IL6R: variants seen among roughly 807,000 people sequenced by gnomAD.
The protein encoded by IL6R is interleukin 6 receptor, also known as interleukin-6 receptor subunit alpha.
IL6R carries 38 observed loss-of-function variants against 48.3 expected under a neutral mutation model. The observed-to-expected ratio is 0.79, with a 90% CI of 0.61 to 1.03. The LOEUF (loss-of-function observed/expected upper bound fraction) is 1.03, where lower values mean the gene tolerates loss of function less well. Ranked by LOEUF, IL6R falls within the 50% of genes least tolerant of loss-of-function variation. The pLI is 0.00. For missense variants in IL6R, 534 were observed against 618.3 expected (o/e 0.86, Z 1.45); for synonymous variants, 264 against 256.2 (o/e 1.03, Z -0.29).
chr1:154,437,243 C>A (rs149274188), intron 6 of IL6R, among the ~76,000 whole-genome samples: 2,963 of 152,204 alleles, frequency 0.019, 94 homozygotes, highest in African/African-American at 0.066. Flanking sequence ...ACTACAGGCA[C>A]CTGCCACCAC....
chr1:154,424,148 T>C (rs1271611884), intron 1 of IL6R, among the ~76,000 whole-genome samples: 1 of 152,200 alleles, frequency 6.6e-6, no homozygotes, highest in Non-Finnish European at 1.5e-5. Context: ...GGGCACCACT[T>C]AGACCCCTTC....
At position 154,465,324 on chromosome 1, in the gene IL6R, A is replaced by T. The variant is rs749430277; in HGVS notation, c.1351A>T (p.Arg451Trp). 1 of 1,614,196 alleles carries T rather than the reference A, an allele frequency of 6.2e-7. No individual in the cohort carries two copies. Among genetic ancestry groups the T allele is most frequent in the Non-Finnish European group, 8.5e-7 (1 of 1,180,016 alleles). Residue 451 changes from arginine (R) to tryptophan (W), a missense_variant, in exon 10 of 10, where the codon AGG becomes TGG. Physicochemically the swap from Arg to Trp is moderately radical, Grantham distance 101. Transcript: ENST00000368485. ...CTCGAGCCACAACCGACCAGATGCC[A>T]GGGACCCACGGAGCCCTTATGACAT... ...NTSSHNRPDA[R>W]DPRSPYDISN...
At chr1:154,440,301 A>C (rs1431329343) in intron 6 of IL6R, among the ~76,000 whole-genome samples, 1 of 152,152 alleles carries the variant, frequency 6.6e-6, no homozygotes, top group Non-Finnish European at 1.5e-5. Flanking sequence ...TGATTCATTC[A>C]TTTGTCAGGG....
chr1:154,417,743 T>C (rs1688435025), intron 1 of IL6R, among the ~76,000 whole-genome samples: 1 of 149,496 alleles, frequency 6.7e-6, no homozygotes, highest in Admixed American at 6.6e-5. Flanking sequence ...CTAATTTTTT[T>C]TTTTTTTTTT....
chr1:154,469,007 C>A lies in IL6R; in HGVS notation c.*3627C>A, dbSNP rs1401158126. 6.6e-6 allele frequency: 1 copy of A among 152,198 alleles called. No individual in the cohort carries two copies. The highest frequency in any genetic ancestry group is 1.5e-5 in the Non-Finnish European group (1 of 68,046). 9.4% of individuals were successfully genotyped at this position (152,198 alleles called of 1,614,324 possible). A position where few individuals can be genotyped will look rare whatever the true frequency, so the allele number is the denominator to read the frequency against. On this transcript the variant is annotated 3_prime_UTR_variant, in exon 10 of 10. Coordinates refer to ENST00000368485, the MANE Select transcript of IL6R (RefSeq NM_000565.4). ...GGGGCAGGCGGGCCAGTTCAGGGTC[C>A]GTGCCAGGCCCTCCTCAGTGCCCTG... is the stretch of plus-strand genomic sequence containing the variant.
At chr1:154,414,645 G>T (rs995381148) in intron 1 of IL6R, 3 of 830,690 alleles carry the variant, frequency 3.6e-6, no homozygotes, top group East Asian at 5.5e-5. Flanking sequence ...CGATGAAGAC[G>T]GTGTAGCTCT....
chr1:154,454,485 T>C lies in IL6R; in HGVS notation c.1067-3T>C, dbSNP rs1329063257. The C allele has an allele frequency of 6.3e-7, 1 of 1,599,516 alleles. No individual in the cohort carries two copies. Among genetic ancestry groups the C allele is most frequent in the Non-Finnish European group, 8.6e-7 (1 of 1,167,160 alleles). Reference sequence around the variant, plus strand: ...TCTATCTTCAATTTTTTTTTTAACCTAGTGCAAGATTCTTCTTCAGTACCA... The same window carrying C: ...TCTATCTTCAATTTTTTTTTTAACCCAGTGCAAGATTCTTCTTCAGTACCA... On this transcript the variant is annotated splice_region_variant and splice_polypyrimidine_tract_variant and intron_variant, in intron 8 of 9. Coordinates refer to ENST00000368485, the MANE Select transcript of IL6R (RefSeq NM_000565.4).
At chr1:154,434,389 ACTTAGAGG>A in intron 3 of IL6R, 122 bp from the exon 4 acceptor site, 2 of 693,564 alleles carry the variant, frequency 2.9e-6, no homozygotes, top group Non-Finnish European at 4.9e-6. Context: ...AGAAAAGGAG[ACTTAGAGG>A]CACAGGGCTT....
intron 3 of IL6R, among the ~76,000 whole-genome samples, chr1:154,432,750 T>C (rs1689372410): frequency 6.6e-6 from 1 of 152,184 alleles, no homozygotes; most frequent in African/African-American, 2.4e-5. Context: ...TCCATCTGCT[T>C]TGAAGAGTCA....
chr1:154,465,652 CTT>C lies in IL6R; in HGVS notation c.*274_*275del, dbSNP rs1691521687. 6.4e-6 allele frequency: 3 copies of C among 465,244 alleles called. No individual in the cohort carries two copies. The highest frequency in any genetic ancestry group is 1.2e-5 in the Non-Finnish European group (3 of 253,276). The allele number at this position is 465,244 out of a possible 1,614,324, so 28.8% of individuals were successfully genotyped here. On this transcript the variant is annotated 3_prime_UTR_variant, in exon 10 of 10. Coordinates refer to ENST00000368485, the MANE Select transcript of IL6R (RefSeq NM_000565.4). ...CTGTGAAGAGAACCATATCAAGACTCTTTGGACACTCACACGGACACTCAAAA... is the reference window on the plus strand; with the variant it reads ...CTGTGAAGAGAACCATATCAAGACTCTGGACACTCACACGGACACTCAAAA...
intron 6 of IL6R, among the ~76,000 whole-genome samples, chr1:154,438,996 T>C (rs1332600300): frequency 1.3e-5 from 2 of 152,138 alleles, no homozygotes; most frequent in Non-Finnish European, 2.9e-5. Flanking sequence ...TCAGGGTAGA[T>C]CGTATTGACC....
intron 1 of IL6R, among the ~76,000 whole-genome samples, chr1:154,428,068 G>A (rs1413602962): frequency 1.3e-5 from 2 of 152,250 alleles, no homozygotes; most frequent in East Asian, 1.9e-4. Flanking sequence ...GTGTTCCCTG[G>A]CCTCTGTTTC....
At chr1:154,444,059 C>T (rs1029609553) in intron 6 of IL6R, among the ~76,000 whole-genome samples, 3 of 152,130 alleles carry the variant, frequency 2.0e-5, no homozygotes, top group Non-Finnish European at 2.9e-5. Context: ...CTCCACTCTT[C>T]GTGCCCCTCT....
At chr1:154,451,969 A>T (rs1690608363) in intron 8 of IL6R, among the ~76,000 whole-genome samples, 1 of 152,152 alleles carries the variant, frequency 6.6e-6, no homozygotes. Context: ...GGGATCGGGC[A>T]GGCTTCCTCC....
intron 3 of IL6R, among the ~76,000 whole-genome samples, chr1:154,433,097 G>A (rs1230601842): frequency 1.3e-5 from 2 of 152,210 alleles, no homozygotes; most frequent in Non-Finnish European, 1.5e-5. Context: ...GGGCACACAC[G>A]TAAAGCAGTC....
intron 9 of IL6R, among the ~76,000 whole-genome samples, chr1:154,454,884 G>A (rs1690786946): frequency 6.6e-6 from 1 of 152,112 alleles, no homozygotes; most frequent in Non-Finnish European, 1.5e-5. Context: ...CTGGCATTAA[G>A]GAGGAAGAGG....
rs1467563623 is a variant in IL6R, at chr1:154,430,522, GC to G, written c.379del (p.Leu127SerfsTer16). 1 of 1,613,892 alleles carries G rather than the reference GC, an allele frequency of 6.2e-7. No individual in the cohort carries two copies. The highest frequency in any genetic ancestry group is 8.5e-7 in the Non-Finnish European group (1 of 1,179,922). On this transcript the variant is annotated frameshift_variant, in exon 3 of 10. Coordinates refer to ENST00000368485, the MANE Select transcript of IL6R (RefSeq NM_000565.4). LOFTEE classifies it high-confidence loss of function. ...CCCCAGCTCTCCTGCTTCCGGAAGAGCCCCCTCAGCAATGTTGTTTGTGAGT... is the reference window on the plus strand; with the variant it reads ...CCCCAGCTCTCCTGCTTCCGGAAGAGCCCCTCAGCAATGTTGTTTGTGAGT... ...EEPQLSCFRKSPLSNVVCEWG... is the reference protein window; with the variant it reads ...EEPQLSCFRKXPLSNVVCEWG...
intron 1 of IL6R, among the ~76,000 whole-genome samples, chr1:154,416,143 T>G (rs1394694840): frequency 6.6e-6 from 1 of 152,044 alleles, no homozygotes; most frequent in Non-Finnish European, 1.5e-5. Context: ...CTTCCTATTT[T>G]TTTAGAGGAA....
At position 154,438,023 on chromosome 1, in the gene IL6R, A is replaced by C. The variant is rs1689735439; in HGVS notation, c.949+1913A>C. ...GCCACCGCGCCTGGCCTAAACTTTT[A>C]AAATTTTAATCAAATTAATACATGC... On this transcript the variant is annotated intron_variant, in intron 6 of 9. Coordinates refer to ENST00000368485, the MANE Select transcript of IL6R (RefSeq NM_000565.4). 2.0e-5 allele frequency among the ~76,000 whole-genome samples: 3 copies of C among 152,028 alleles called. No homozygotes were observed. The South Asian group carries it at 6.2e-4, about 32-fold the overall frequency.
Sources: gnomAD v4.1 joint callset for allele counts (sites outside exome capture counted in the v4.1 genomes callset) on GRCh38, gnomAD v4.1.1 for gene constraint, MANE v1.5 for transcripts, NCBI Gene and HGNC (gene_info 2026-07-23, HGNC 2026-07-21) for gene names.